The following USP46 variants were observed in gnomAD, a reference collection of about 807,000 sequenced individuals.
USP46 encodes ubiquitin carboxyl-terminal hydrolase 46.
USP46 carries 12 observed loss-of-function variants against 44.4 expected under a neutral mutation model. That is an observed-to-expected ratio of 0.27 (90% CI 0.17 to 0.44). The LOEUF (loss-of-function observed/expected upper bound fraction) is 0.44. Ranked by LOEUF, USP46 falls within the 20% of genes least tolerant of loss-of-function variation. The pLI, the probability that USP46 is intolerant of heterozygous loss-of-function variation, is 1.00. For missense variants in USP46, 248 were observed against 444.8 expected (o/e 0.56, Z 3.98); for synonymous variants, 155 against 161.5 (o/e 0.96, Z 0.31).
intron 5 of USP46, 134 bp from the exon 6 acceptor site, chr4:52,604,718 A>T: frequency 1.6e-6 from 1 of 614,526 alleles, no homozygotes; most frequent in East Asian, 3.2e-5. Context: ...AAAAAATCCT[A>T]CTTAAGACTA....
intron 4 of USP46, among the ~76,000 whole-genome samples, chr4:52,618,319 T>C (rs1446077676): frequency 6.6e-6 from 1 of 152,138 alleles, no homozygotes; most frequent in African/African-American, 2.4e-5. Flanking sequence ...TGAAACCCTG[T>C]CTTTACTAAA....
At chr4:52,633,913 C>T (rs1050865267) in intron 1 of USP46, among the ~76,000 whole-genome samples, 4 of 152,092 alleles carry the variant, frequency 2.6e-5, no homozygotes, top group Admixed American at 2.0e-4. Context: ...GACAAAACAG[C>T]ACAGCGAAAA....
intron 1 of USP46, among the ~76,000 whole-genome samples, chr4:52,647,790 C>G (rs1450701265): frequency 6.6e-6 from 1 of 152,194 alleles, no homozygotes; most frequent in East Asian, 1.9e-4. Context: ...CTTGCCACTG[C>G]TCACCAGCAG....
At chr4:52,598,426 C>A in intron 8 of USP46, 2 of 569,754 alleles carry the variant, frequency 3.5e-6, no homozygotes, top group South Asian at 2.1e-5. Context: ...GAGAACACAG[C>A]GTCAGTGAGT....
intron 1 of USP46, among the ~76,000 whole-genome samples, chr4:52,633,485 T>C (rs1291058126): frequency 6.6e-6 from 1 of 151,736 alleles, no homozygotes; most frequent in East Asian, 1.9e-4. Flanking sequence ...CTTTTTGGTA[T>C]AGACAAAAAT....
intron 1 of USP46, among the ~76,000 whole-genome samples, chr4:52,655,973 C>T (rs558638859): frequency 6.6e-6 from 1 of 152,298 alleles, no homozygotes; most frequent in East Asian, 1.9e-4. Context: ...GTTTAGTTCT[C>T]AATCACACGA....
intron 1 of USP46, among the ~76,000 whole-genome samples, chr4:52,657,378 C>T (rs923786638): frequency 3.3e-5 from 5 of 150,358 alleles, no homozygotes; most frequent in Middle Eastern, 3.4e-3. Flanking sequence ...GGTGGGGGGA[C>T]GCGTGGGGGG....
chr4:52,652,646 A>T (rs938931286), intron 1 of USP46, among the ~76,000 whole-genome samples: 3 of 152,252 alleles, frequency 2.0e-5, no homozygotes, highest in African/African-American at 7.2e-5. Flanking sequence ...AATGTTTAAT[A>T]TTATAAAGCA....
intron 8 of USP46, 123 bp from the exon 9 acceptor site, chr4:52,597,864 G>C (rs1716307381): frequency 1.4e-6 from 1 of 725,926 alleles, no homozygotes. Context: ...ATCATCATTA[G>C]GAACTTTCAA....
chr4:52,628,442 A>G, intron 2 of USP46: 1 of 321,390 alleles, frequency 3.1e-6, no homozygotes, highest in South Asian at 9.1e-5. Context: ...TAAAGAGTCT[A>G]ACGAGACCTG....
intron 1 of USP46, chr4:52,656,503 G>C (rs1253740601): frequency 4.2e-6 from 6 of 1,439,918 alleles, no homozygotes; most frequent in Non-Finnish European, 5.4e-6. Flanking sequence ...CCTATACATG[G>C]GAGGTGTTTA....
At position 52,659,296 on chromosome 4, in the gene USP46, G is replaced by A. The variant is rs1453479493; in HGVS notation, c.-146C>T. On this transcript the variant is annotated 5_prime_UTR_variant, in exon 1 of 9. Coordinates refer to ENST00000441222, the MANE Select transcript of USP46 (RefSeq NM_022832.4). The surrounding 1 kb of genome is among the most constrained non-coding windows in gnomAD (Gnocchi z 4.2). ...AGTTTGGCTGGGAGAGGGAGGCCGG[G>A]AGGAGGAGGCGGCGGCGCGGGGAGG... The A allele has an allele frequency of 1.5e-6, 1 of 672,918 alleles. No homozygotes were observed. The allele number at this position is 672,918 out of a possible 1,614,324, so 41.7% of individuals were successfully genotyped here. A position where few individuals can be genotyped will look rare whatever the true frequency, so the allele number is the denominator to read the frequency against.
chr4:52,641,083 C>A (rs1262745759), intron 1 of USP46, among the ~76,000 whole-genome samples: 1 of 151,954 alleles, frequency 6.6e-6, no homozygotes. Flanking sequence ...GTTATCAGCA[C>A]TGTATAAATT....
chr4:52,646,737 G>T (rs1461436288), intron 1 of USP46, among the ~76,000 whole-genome samples: 1 of 152,146 alleles, frequency 6.6e-6, no homozygotes, highest in Non-Finnish European at 1.5e-5. Flanking sequence ...CAACAGCAAG[G>T]TATTTAAATA....
intron 6 of USP46, among the ~76,000 whole-genome samples, chr4:52,603,200 G>A (rs1179178125): frequency 1.3e-5 from 2 of 152,144 alleles, no homozygotes; most frequent in Non-Finnish European, 2.9e-5. Flanking sequence ...CCCCAGGGCT[G>A]AACAAAAAAT....
chr4:52,632,990 AAAAGAAAGAAAG>A (rs71195120), intron 1 of USP46, among the ~76,000 whole-genome samples: 856 of 66,308 alleles, frequency 0.013, 38 homozygotes, highest in African/African-American at 0.047. Flanking sequence ...GAAAGAAAAG[AAAAGAAAGAAAG>A]AAAGAAAGAA....
At chr4:52,630,921 C>T (rs1273194191) in intron 2 of USP46, 143 bp downstream of exon 2, 2 of 676,270 alleles carry the variant, frequency 3.0e-6, no homozygotes, top group African/African-American at 3.7e-5. Context: ...GGTTAAGTTG[C>T]TTTCTCCCCA....
intron 5 of USP46, among the ~76,000 whole-genome samples, chr4:52,607,821 A>G (rs1401454975): frequency 5.9e-5 from 9 of 152,076 alleles, no homozygotes. Flanking sequence ...CTTCTGCCAT[A>G]ATTGTAAGTT....
intron 4 of USP46, 112 bp from the exon 5 acceptor site, chr4:52,610,729 T>A: frequency 2.0e-6 from 2 of 980,586 alleles, no homozygotes; most frequent in African/African-American, 3.2e-5. Flanking sequence ...GCAGTTAAAG[T>A]CCTGCATGGA....
Sources: allele counts gnomAD v4.1 joint callset (sites outside exome capture counted in the v4.1 genomes callset), GRCh38; gene constraint gnomAD v4.1.1; non-coding constraint Gnocchi (gnomAD v3.1); transcripts MANE v1.5; gene names NCBI Gene and HGNC (gene_info 2026-07-23, HGNC 2026-07-21).